Variants in ADAM19 observed in about 807,000 individuals in gnomAD.
ADAM19 encodes disintegrin and metalloproteinase domain-containing protein 19.
ADAM19 carries 65 observed loss-of-function variants against 114.7 expected under a neutral mutation model. The observed-to-expected ratio is 0.57, with a 90% CI of 0.46 to 0.70. The LOEUF (loss-of-function observed/expected upper bound fraction) is 0.70, where lower values mean the gene tolerates loss of function less well. ADAM19 is among the 30% of genes least tolerant of loss of function. The probability of loss-of-function intolerance (pLI) is 0.00; values close to 1 mark genes in which losing one functional copy is unlikely to be tolerated. For missense variants in ADAM19, 1,063 were observed against 1,204.7 expected (o/e 0.88, Z 1.74); for synonymous variants, 466 against 460.5 (o/e 1.01, Z -0.15).
intron 14 of ADAM19, among the ~76,000 whole-genome samples, chr5:157,495,476 T>C (rs1190534979): frequency 6.6e-6 from 1 of 152,234 alleles, no homozygotes; most frequent in Non-Finnish European, 1.5e-5. Flanking sequence ...ATTTTTCTTG[T>C]AGTCATCCAG....
chr5:157,525,307 C>T (rs1291426762), intron 5 of ADAM19, among the ~76,000 whole-genome samples: 1 of 152,226 alleles, frequency 6.6e-6, no homozygotes, highest in African/African-American at 2.4e-5. Flanking sequence ...TTCTCCAGGG[C>T]TGGCTGTGTG....
At chr5:157,486,055 C>G (rs1349188074) in intron 21 of ADAM19, among the ~76,000 whole-genome samples, 1 of 152,228 alleles carries the variant, frequency 6.6e-6, no homozygotes, top group East Asian at 1.9e-4. Flanking sequence ...TCATCTATCA[C>G]TTCTCCAGGG....
At chr5:157,545,338 T>C (rs1194672405) in intron 3 of ADAM19, among the ~76,000 whole-genome samples, 1 of 152,162 alleles carries the variant, frequency 6.6e-6, no homozygotes, top group Non-Finnish European at 1.5e-5. Flanking sequence ...CATTGCTGAC[T>C]AGGGCACCTG....
At chr5:157,503,424 A>G (rs1053482055) in intron 11 of ADAM19, among the ~76,000 whole-genome samples, 6 of 151,976 alleles carry the variant, frequency 3.9e-5, no homozygotes, top group African/African-American at 1.5e-4. Flanking sequence ...GCACACCAAC[A>G]TGGCACATGT....
At chr5:157,550,728 C>G (rs371839616) in intron 3 of ADAM19, among the ~76,000 whole-genome samples, 9 of 150,734 alleles carry the variant, frequency 6.0e-5, no homozygotes, top group African/African-American at 2.2e-4. Context: ...TTTAAAGAGT[C>G]TGCCCAAGCT....
In ADAM19 at chr5:157,477,911, G is replaced by A; in HGVS notation, c.*3038C>T. The A allele has an allele frequency of 2.9e-6, 1 of 342,564 alleles. No individual in the cohort carries two copies. Among genetic ancestry groups the A allele is most frequent in the South Asian group, 2.4e-5 (1 of 41,972 alleles). 21.2% of individuals were successfully genotyped at this position (342,564 alleles called of 1,614,324 possible). ...GTCTCAGACCTTAAGATCTGCAAGT[G>A]TCTCAGAGCTGGGGCAGAAAAAGGC... On this transcript the variant is annotated 3_prime_UTR_variant, in exon 23 of 23. Coordinates refer to ENST00000257527, the MANE Select transcript of ADAM19 (RefSeq NM_033274.5).
In ADAM19 at chr5:157,479,230, C is replaced by T. The variant is rs917096389; in HGVS notation, c.*1719G>A. 2 of 985,892 alleles carry T rather than the reference C, an allele frequency of 2.0e-6. No individual in the cohort carries two copies. The highest frequency in any genetic ancestry group is 1.7e-5 in the African/African-American group (1 of 57,344). 61.1% of individuals were successfully genotyped at this position (985,892 alleles called of 1,614,324 possible). A position where few individuals can be genotyped will look rare whatever the true frequency, so the allele number is the denominator to read the frequency against. On this transcript the variant is annotated 3_prime_UTR_variant, in exon 23 of 23. Coordinates refer to ENST00000257527, the MANE Select transcript of ADAM19 (RefSeq NM_033274.5). ...CTTTCTAAACCCAACCCAGGCTTTT[C>T]CCCCAGGGGTACATCCCGTATTTTC...
intron 3 of ADAM19, among the ~76,000 whole-genome samples, chr5:157,541,946 C>T (rs902319681): frequency 1.3e-5 from 2 of 152,194 alleles, no homozygotes; most frequent in Non-Finnish European, 2.9e-5. Context: ...CCTCTGCAGA[C>T]GAGCTCAGCA....
intron 12 of ADAM19, among the ~76,000 whole-genome samples, chr5:157,501,576 ATGCCCACTCTC>A (rs1755563455): frequency 6.6e-6 from 1 of 152,174 alleles, no homozygotes; most frequent in Non-Finnish European, 1.5e-5. Flanking sequence ...CCAACTGGCC[ATGCCCACTCTC>A]AGGCCATTCC....
chr5:157,494,985 T>C (rs1157974744), intron 14 of ADAM19, among the ~76,000 whole-genome samples, 190 bp from the exon 15 acceptor site: 3 of 152,116 alleles, frequency 2.0e-5, no homozygotes, highest in Non-Finnish European at 4.4e-5. Context: ...TAATGTTTTA[T>C]ATAAATCCTT....
At chr5:157,534,604 G>C (rs957966258) in intron 4 of ADAM19, among the ~76,000 whole-genome samples, 5 of 152,158 alleles carry the variant, frequency 3.3e-5, no homozygotes, top group Non-Finnish European at 5.9e-5. Context: ...GCTGCAGTGA[G>C]CTATGATCAT....
chr5:157,529,025 A>C (rs1756552414), intron 5 of ADAM19, among the ~76,000 whole-genome samples: 1 of 152,220 alleles, frequency 6.6e-6, no homozygotes, highest in South Asian at 2.1e-4. Flanking sequence ...GAGCCAATCA[A>C]AGGCATATCT....
At chr5:157,565,561 T>C (rs1336943009) in intron 2 of ADAM19, among the ~76,000 whole-genome samples, 1 of 151,430 alleles carries the variant, frequency 6.6e-6, no homozygotes, top group Non-Finnish European at 1.5e-5. Context: ...ATACAAAAAT[T>C]AGCCAGGCAT....
At chr5:157,508,732 G>A (rs1050975539) in intron 9 of ADAM19, among the ~76,000 whole-genome samples, 1 of 152,140 alleles carries the variant, frequency 6.6e-6, no homozygotes, top group Non-Finnish European at 1.5e-5. Context: ...ACTGTCACAT[G>A]TGACCCCCAT....
At chr5:157,540,551 G>A (rs1007737439) in intron 3 of ADAM19, among the ~76,000 whole-genome samples, 1 of 152,150 alleles carries the variant, frequency 6.6e-6, no homozygotes, top group Non-Finnish European at 1.5e-5. Context: ...AAATCATGTA[G>A]TCAAACCCCA....
At chr5:157,518,496 T>C (rs535837454) in intron 7 of ADAM19, among the ~76,000 whole-genome samples, 370 of 152,348 alleles carry the variant, frequency 2.4e-3, no homozygotes, top group African/African-American at 8.5e-3. Context: ...GAAATGCTAC[T>C]GCCACAGCCT....
intron 4 of ADAM19, 107 bp from the exon 5 acceptor site, chr5:157,530,990 C>A: frequency 1.1e-6 from 1 of 885,320 alleles, no homozygotes. Context: ...TATACCTACC[C>A]AACCTTATAG....
intron 16 of ADAM19, 35 bp from the exon 17 acceptor site, chr5:157,491,947 G>C: frequency 6.2e-7 from 1 of 1,605,918 alleles, no homozygotes; most frequent in Non-Finnish European, 8.5e-7. Flanking sequence ...TCAGTGCAAT[G>C]GGAGGGATGC....
In ADAM19 at chr5:157,479,928, G is replaced by T. The variant is rs1207611705; in HGVS notation, c.*1021C>A. ...GGAGGAAGACCCCCACCCTGCTGAG[G>T]TCACAAAACACAATGAAAAATAAAC... On this transcript the variant is annotated 3_prime_UTR_variant, in exon 23 of 23. Transcript: ENST00000257527. The T allele has an allele frequency of 3.0e-6, 3 of 985,748 alleles. No individual in the cohort carries two copies. Among genetic ancestry groups the T allele is most frequent in the African/African-American group, 1.7e-5 (1 of 57,220 alleles). The allele number at this position is 985,748 out of a possible 1,614,324, so 61.1% of individuals were successfully genotyped here.
Sources: gnomAD v4.1 joint callset for allele counts (sites outside exome capture counted in the v4.1 genomes callset) on GRCh38, gnomAD v4.1.1 for gene constraint, MANE v1.5 for transcripts, NCBI Gene and HGNC (gene_info 2026-07-23, HGNC 2026-07-21) for gene names.